NRXN1: variants seen among roughly 807,000 people sequenced by gnomAD.
The protein encoded by NRXN1 is neurexin 1.
In NRXN1, 39 loss-of-function variants were observed where a neutral mutation model predicts 150.9. The ratio of observed to expected loss-of-function variants is 0.26; its 90% CI spans 0.20 to 0.34. NRXN1 has a LOEUF of 0.34. Ranked by LOEUF, NRXN1 falls within the 10% of genes least tolerant of loss-of-function variation. NRXN1 has a pLI of 1.00. For synonymous variants in NRXN1, 924 were observed against 757.0 expected (o/e 1.22, Z -3.62); for missense variants, 1,815 against 1,949.9 (o/e 0.93, Z 1.30).
At chr2:50,043,565 G>T (rs770537443) in intron 21 of NRXN1, among the ~76,000 whole-genome samples, 7 of 152,044 alleles carry the variant, frequency 4.6e-5, no homozygotes, top group Non-Finnish European at 1.0e-4. Flanking sequence ...ATTCCCTTTG[G>T]ATCCATGAAC....
intron 17 of NRXN1, among the ~76,000 whole-genome samples, chr2:50,255,054 C>G (rs185541156): frequency 6.6e-6 from 1 of 152,190 alleles, no homozygotes; most frequent in East Asian, 1.9e-4. Flanking sequence ...GCGATCCACC[C>G]ACCTTGGCCT....
intron 5 of NRXN1, among the ~76,000 whole-genome samples, chr2:50,706,813 T>A (rs1243059857): frequency 6.7e-6 from 1 of 150,126 alleles, no homozygotes; most frequent in East Asian, 1.9e-4. Context: ...TATTTGGATT[T>A]TTTTTTTTTT....
At chr2:50,847,746 G>A (rs1230774187) in intron 5 of NRXN1, among the ~76,000 whole-genome samples, 3 of 152,170 alleles carry the variant, frequency 2.0e-5, no homozygotes, top group African/African-American at 7.2e-5. Flanking sequence ...AAGAGGACGT[G>A]GAGGGAGTAT....
At chr2:50,562,138 AATG>A in intron 8 of NRXN1, among the ~76,000 whole-genome samples, 1 of 152,190 alleles carries the variant, frequency 6.6e-6, no homozygotes, top group East Asian at 1.9e-4. Flanking sequence ...AGTGACACTA[AATG>A]ATGTGTCTAG....
intron 8 of NRXN1, among the ~76,000 whole-genome samples, chr2:50,562,429 T>C (rs1274256908): frequency 6.6e-6 from 1 of 152,134 alleles, no homozygotes; most frequent in African/African-American, 2.4e-5. Flanking sequence ...GTTTTGGATA[T>C]ACCAATGTTC....
Position 50,514,210 on chromosome 2 carries a change from G to A in NRXN1, c.2375-7593C>T, listed in dbSNP as rs1453978312. On this transcript the variant is annotated intron_variant, in intron 12 of 22. Transcript: ENST00000401669. ...TAACAAATTGCACAGATGATGGACA[G>A]GCAGGAATTTTTTAAAAATACTAGA... 3.3e-5 allele frequency among the ~76,000 whole-genome samples: 5 copies of A among 152,096 alleles called. No homozygotes were observed. The East Asian group carries it at 9.6e-4, about 29-fold the overall frequency.
At chr2:50,484,041 C>T (rs1377959205) in intron 15 of NRXN1, among the ~76,000 whole-genome samples, 3 of 152,196 alleles carry the variant, frequency 2.0e-5, no homozygotes, top group Admixed American at 6.5e-5. Flanking sequence ...TCCTATAATA[C>T]GTCTCTTTAA....
At chr2:50,592,189 G>T (rs774776791) in intron 8 of NRXN1, among the ~76,000 whole-genome samples, 1 of 152,170 alleles carries the variant, frequency 6.6e-6, no homozygotes, top group Non-Finnish European at 1.5e-5. Context: ...TACAGATGGC[G>T]AAATGACAGT....
At chr2:50,348,479 A>C (rs1445594323) in intron 17 of NRXN1, among the ~76,000 whole-genome samples, 1 of 152,238 alleles carries the variant, frequency 6.6e-6, no homozygotes, top group African/African-American at 2.4e-5. Context: ...CAAGATCTCT[A>C]TAGAAGCCCC....
chr2:50,041,481 A>C (rs1053534514), intron 21 of NRXN1, among the ~76,000 whole-genome samples: 2 of 152,172 alleles, frequency 1.3e-5, no homozygotes, highest in Non-Finnish European at 2.9e-5. Context: ...GGCTTCCTAG[A>C]GATTTTCGCC....
At chr2:51,006,015 AG>A (rs1460811713) in intron 2 of NRXN1, among the ~76,000 whole-genome samples, 2 of 151,810 alleles carry the variant, frequency 1.3e-5, no homozygotes, top group Non-Finnish European at 2.9e-5. Flanking sequence ...AACAGACTTT[AG>A]GTCAAAAGCT....
chr2:50,799,024 A>G (rs1176757945), intron 5 of NRXN1, among the ~76,000 whole-genome samples: 1 of 152,172 alleles, frequency 6.6e-6, no homozygotes, highest in Admixed American at 6.5e-5. Flanking sequence ...ATGACAAAAA[A>G]TTCAACTACT....
intron 21 of NRXN1, among the ~76,000 whole-genome samples, chr2:50,010,156 A>T (rs1314775309): frequency 6.6e-6 from 1 of 152,004 alleles, no homozygotes; most frequent in African/African-American, 2.4e-5. Flanking sequence ...AGTTAAAAAA[A>T]AAAAGTCAAA....
intron 18 of NRXN1, among the ~76,000 whole-genome samples, chr2:50,205,927 T>C (rs186947695): frequency 1.3e-5 from 2 of 152,134 alleles, no homozygotes; most frequent in Admixed American, 6.6e-5. Context: ...GAAAAAGTAG[T>C]AGTTGTCTAG....
intron 17 of NRXN1, among the ~76,000 whole-genome samples, chr2:50,415,874 G>T (rs925483911): frequency 6.8e-6 from 1 of 146,226 alleles, no homozygotes; most frequent in African/African-American, 2.6e-5. Flanking sequence ...GTAGAGGCTT[G>T]TAGTTTCATC....
At chr2:50,971,356 G>A (rs1323210979) in intron 2 of NRXN1, among the ~76,000 whole-genome samples, 6 of 152,060 alleles carry the variant, frequency 3.9e-5, no homozygotes, top group African/African-American at 1.4e-4. Flanking sequence ...AGGCCACAGT[G>A]GGCGGATCAC....
rs1702027606 is a variant in NRXN1, at chr2:50,763,324, C to CATCAATAT, written c.833-139710_833-139709insATATTGAT. Among the ~76,000 whole-genome samples the CATCAATAT allele has an allele frequency of 2.0e-5, 3 of 152,016 alleles. No homozygotes were observed. In the South Asian group the frequency reaches 6.2e-4, roughly 32 times the overall value. On this transcript the variant is annotated intron_variant, in intron 5 of 22. Transcript: ENST00000401669. ...TGGTCAGGTCTACCTGCTATTTTACCATTGCTTGCCTGTAATTTAATTTAT... is the reference window on the plus strand; with the variant it reads ...TGGTCAGGTCTACCTGCTATTTTACCATCAATATATTGCTTGCCTGTAATTTAATTTAT...
chr2:50,522,158 A>G (rs914379999), intron 12 of NRXN1, among the ~76,000 whole-genome samples: 1 of 152,204 alleles, frequency 6.6e-6, no homozygotes, highest in Non-Finnish European at 1.5e-5. Flanking sequence ...CTTCATAACG[A>G]CAACAAATAA....
intron 18 of NRXN1, among the ~76,000 whole-genome samples, chr2:50,174,389 T>C (rs1412963119): frequency 6.6e-6 from 1 of 152,156 alleles, no homozygotes; most frequent in Non-Finnish European, 1.5e-5. Flanking sequence ...AAAAGATCCA[T>C]GTAAAGCATT....
Sources: allele counts gnomAD v4.1 joint callset (sites outside exome capture counted in the v4.1 genomes callset), GRCh38; gene constraint gnomAD v4.1.1; transcripts MANE v1.5; gene names NCBI Gene and HGNC (gene_info 2026-07-23, HGNC 2026-07-21).